Variants in B3GALT1 observed in about 807,000 individuals in gnomAD.
B3GALT1 encodes the protein UDP-Gal:betaGlcNAc beta 1,3-galactosyltransferase, polypeptide 1.
Under a neutral mutation model 23.2 loss-of-function variants are expected in B3GALT1, and 10 were observed. That is an observed-to-expected ratio of 0.43 (90% CI 0.27 to 0.73). B3GALT1 has a LOEUF of 0.73. Ranked by LOEUF, B3GALT1 falls within the 30% of genes least tolerant of loss-of-function variation. The pLI, the probability that B3GALT1 is intolerant of heterozygous loss-of-function variation, is 0.21. For synonymous variants in B3GALT1, 156 were observed against 141.5 expected, an observed-to-expected ratio of 1.10 and a Z score of -0.73; for missense variants, 299 against 405.4, an observed-to-expected ratio of 0.74 and a Z score of 2.25.
At chr2:167,295,373 A>G (rs1261172093) in intron 1 of B3GALT1, among the ~76,000 whole-genome samples, 2 of 152,260 alleles carry the variant, frequency 1.3e-5, no homozygotes. Context: ...TAATATTGCA[A>G]TATTTTAGTT....
At chr2:167,364,543 G>C (rs1377093437) in intron 1 of B3GALT1, among the ~76,000 whole-genome samples, 2 of 152,028 alleles carry the variant, frequency 1.3e-5, no homozygotes, top group Non-Finnish European at 2.9e-5. Flanking sequence ...CTGTGTCCAA[G>C]TGTTCTCATT....
At chr2:167,503,027 A>G (rs1699869110) in intron 2 of B3GALT1, among the ~76,000 whole-genome samples, 1 of 152,186 alleles carries the variant, frequency 6.6e-6, no homozygotes, top group African/African-American at 2.4e-5. Flanking sequence ...TGACAAGAGC[A>G]AAACTCTGTC....
chr2:167,846,263 A>T (rs1223595898), intron 4 of B3GALT1, among the ~76,000 whole-genome samples: 2 of 152,184 alleles, frequency 1.3e-5, no homozygotes, highest in African/African-American at 4.8e-5. Context: ...CTGGAAATTG[A>T]TCGCAGAAAG....
chr2:167,855,774 C>G (rs1689989661), intron 4 of B3GALT1, among the ~76,000 whole-genome samples: 1 of 152,086 alleles, frequency 6.6e-6, no homozygotes, highest in South Asian at 2.1e-4. Flanking sequence ...TACTTAGAGA[C>G]CTTCCCTAAA....
At chr2:167,789,959 C>T (rs942337010) in intron 3 of B3GALT1, among the ~76,000 whole-genome samples, 1 of 152,172 alleles carries the variant, frequency 6.6e-6, no homozygotes, top group African/African-American at 2.4e-5. Context: ...TACACAACCA[C>T]CACCCCGCAA....
chr2:167,455,963 C>T (rs755502071), intron 1 of B3GALT1, among the ~76,000 whole-genome samples: 2 of 152,200 alleles, frequency 1.3e-5, no homozygotes, highest in Non-Finnish European at 2.9e-5. Flanking sequence ...AAGAGACCTA[C>T]AGAACAGTTG....
chr2:167,595,025 A>G (rs1296458062), intron 2 of B3GALT1, among the ~76,000 whole-genome samples: 3 of 152,198 alleles, frequency 2.0e-5, no homozygotes, highest in Non-Finnish European at 4.4e-5. Context: ...TTGGCACTTG[A>G]TCTGTCCATC....
At chr2:167,654,417 A>AG (rs1469531366) in intron 3 of B3GALT1, among the ~76,000 whole-genome samples, 1 of 152,120 alleles carries the variant, frequency 6.6e-6, no homozygotes, top group Non-Finnish European at 1.5e-5. Context: ...ATGAGTGGGA[A>AG]GGGGGAGCTA....
chr2:167,570,907 T>C (rs1036013454), intron 2 of B3GALT1, among the ~76,000 whole-genome samples: 1 of 151,976 alleles, frequency 6.6e-6, no homozygotes, highest in African/African-American at 2.4e-5. Flanking sequence ...AAGAAATCTG[T>C]TCAATTTTTT....
chr2:167,868,102 A>G (rs1232795427), intron 4 of B3GALT1, among the ~76,000 whole-genome samples: 1 of 152,266 alleles, frequency 6.6e-6, no homozygotes, highest in Non-Finnish European at 1.5e-5. Context: ...TCAACTCCAA[A>G]ATAAATGCTG....
chr2:167,674,172 G>A (rs1302902916), intron 3 of B3GALT1, among the ~76,000 whole-genome samples: 2 of 152,002 alleles, frequency 1.3e-5, no homozygotes, highest in African/African-American at 2.4e-5. Flanking sequence ...TTTGTATTTA[G>A]GGCCTTTGCA....
At chr2:167,714,654 C>T (rs1051473890) in intron 3 of B3GALT1, 2 of 1,613,744 alleles carry the variant, frequency 1.2e-6, no homozygotes, top group Non-Finnish European at 1.7e-6. Context: ...AGGTTTCTTT[C>T]AGCAGTCCGA....
At chr2:167,825,139 G>C (rs1172778916) in intron 4 of B3GALT1, among the ~76,000 whole-genome samples, 2 of 151,896 alleles carry the variant, frequency 1.3e-5, no homozygotes. Context: ...CAAAAAATTA[G>C]CTGGGTGTGG....
chr2:167,803,761 C>CT (rs922409966), intron 3 of B3GALT1, among the ~76,000 whole-genome samples: 2 of 151,898 alleles, frequency 1.3e-5, no homozygotes, highest in Admixed American at 6.6e-5. Flanking sequence ...CTAAGGAATA[C>CT]TTTTTTTTAT....
At chr2:167,411,942 T>C (rs1389769673) in intron 1 of B3GALT1, among the ~76,000 whole-genome samples, 1 of 152,058 alleles carries the variant, frequency 6.6e-6, no homozygotes, top group Non-Finnish European at 1.5e-5. Flanking sequence ...TTAAACGAAA[T>C]AAATTAGGTA....
intron 4 of B3GALT1, among the ~76,000 whole-genome samples, chr2:167,823,928 G>A (rs569539459): frequency 2.6e-4 from 39 of 152,298 alleles, no homozygotes; most frequent in South Asian, 4.1e-4. Context: ...TGGCAAGCAC[G>A]TGATAATTCT....
chr2:167,333,223 G>A (rs967141003), intron 1 of B3GALT1, among the ~76,000 whole-genome samples: 1 of 152,144 alleles, frequency 6.6e-6, no homozygotes, highest in Non-Finnish European at 1.5e-5. Context: ...ATGAACAAGC[G>A]ATAACTAACC....
At chr2:167,688,868 C>T (rs1035071787) in intron 3 of B3GALT1, among the ~76,000 whole-genome samples, 1 of 152,072 alleles carries the variant, frequency 6.6e-6, no homozygotes, top group Non-Finnish European at 1.5e-5. Flanking sequence ...TCAGCATCCA[C>T]AAGTTTATAC....
chr2:167,455,133 C>T (rs952653040), intron 1 of B3GALT1, among the ~76,000 whole-genome samples: 1 of 152,188 alleles, frequency 6.6e-6, no homozygotes, highest in Non-Finnish European at 1.5e-5. Flanking sequence ...ATAAATGGGA[C>T]AGTCCATACT....
Sources: gnomAD v4.1 joint callset for allele counts (sites outside exome capture counted in the v4.1 genomes callset) on GRCh38, gnomAD v4.1.1 for gene constraint, MANE v1.5 for transcripts, NCBI Gene and HGNC (gene_info 2026-07-23, HGNC 2026-07-21) for gene names.